CARMIL1: variants seen among roughly 807,000 people sequenced by gnomAD.
The protein encoded by CARMIL1 is capping protein regulator and myosin 1 linker 1, also known as F-actin-uncapping protein LRRC16A.
CARMIL1 carries 90 observed loss-of-function variants against 177.1 expected under a neutral mutation model. The ratio of observed to expected loss-of-function variants is 0.51; its 90% CI spans 0.43 to 0.61. The LOEUF is 0.61. Among genes scored for constraint, CARMIL1 ranks in the 20% least tolerant of loss-of-function variants. The pLI, the probability that CARMIL1 is intolerant of heterozygous loss-of-function variation, is 0.00. For synonymous variants in CARMIL1, 577 were observed against 606.2 expected (o/e 0.95, Z 0.71); for missense variants, 1,380 against 1,667.0 (o/e 0.83, Z 3.00).
chr6:25,289,988 A>G (rs1781814543), intron 2 of CARMIL1, among the ~76,000 whole-genome samples: 1 of 152,238 alleles, frequency 6.6e-6, no homozygotes, highest in African/African-American at 2.4e-5. Flanking sequence ...TTACTTTTAT[A>G]AGAAACTGGC....
At chr6:25,337,478 C>T (rs186108302) in intron 2 of CARMIL1, among the ~76,000 whole-genome samples, 219 of 152,254 alleles carry the variant, frequency 1.4e-3, no homozygotes, top group African/African-American at 5.1e-3. Flanking sequence ...AAATCTAGAC[C>T]AACTCTAAAA....
At chr6:25,594,334 T>G (rs1441088283) in intron 31 of CARMIL1, 81 bp from the exon 32 acceptor site, 5 of 863,858 alleles carry the variant, frequency 5.8e-6, no homozygotes, top group Non-Finnish European at 9.2e-6. Context: ...TAGCCCTTAA[T>G]CACAGTGTCT....
intron 2 of CARMIL1, among the ~76,000 whole-genome samples, chr6:25,324,286 G>A (rs1162149926): frequency 1.3e-5 from 2 of 151,996 alleles, no homozygotes; most frequent in African/African-American, 2.4e-5. Context: ...CCTGAATGGT[G>A]TCAGAGTTCA....
chr6:25,518,769 C>T (rs371052375), intron 22 of CARMIL1, among the ~76,000 whole-genome samples: 7 of 152,084 alleles, frequency 4.6e-5, no homozygotes, highest in South Asian at 2.1e-4. Context: ...TGATCACAGT[C>T]GATTATATAT....
intron 7 of CARMIL1, 27 bp from the exon 8 acceptor site, chr6:25,450,611 G>T: frequency 7.3e-7 from 1 of 1,365,944 alleles, no homozygotes; most frequent in South Asian, 1.2e-5. Context: ...ATGGACTGAT[G>T]ACATGACTGA....
chr6:25,607,889 A>G (rs1348392281), intron 35 of CARMIL1, among the ~76,000 whole-genome samples: 1 of 152,210 alleles, frequency 6.6e-6, no homozygotes, highest in Non-Finnish European at 1.5e-5. Context: ...TAAGCCTTGA[A>G]ACAAACCCCT....
chr6:25,395,928 G>T (rs1266164303), intron 2 of CARMIL1, among the ~76,000 whole-genome samples: 1 of 152,204 alleles, frequency 6.6e-6, no homozygotes, highest in Non-Finnish European at 1.5e-5. Context: ...GGGTCCTTGT[G>T]ACTTCCATAT....
chr6:25,368,040 G>A (rs954752707), intron 2 of CARMIL1, among the ~76,000 whole-genome samples: 2 of 152,130 alleles, frequency 1.3e-5, no homozygotes, highest in Non-Finnish European at 2.9e-5. Context: ...GATTACAGGC[G>A]TGAGCCACCG....
intron 31 of CARMIL1, among the ~76,000 whole-genome samples, chr6:25,583,511 G>A (rs976005788): frequency 2.0e-5 from 3 of 148,828 alleles, no homozygotes; most frequent in African/African-American, 7.3e-5. Context: ...TATAGTAGGG[G>A]TTCAACAATA....
chr6:25,499,159 C>A (rs916789873), intron 16 of CARMIL1, among the ~76,000 whole-genome samples: 2 of 152,188 alleles, frequency 1.3e-5, no homozygotes, highest in Non-Finnish European at 2.9e-5. Flanking sequence ...TACCTTCCCA[C>A]CTCACCCTTA....
chr6:25,380,622 A>G (rs1791433630), intron 2 of CARMIL1, among the ~76,000 whole-genome samples: 1 of 152,240 alleles, frequency 6.6e-6, no homozygotes, highest in Non-Finnish European at 1.5e-5. Flanking sequence ...ATTAGATTTC[A>G]TGTTTGATAT....
At chr6:25,288,408 C>T (rs1303464762) in intron 2 of CARMIL1, among the ~76,000 whole-genome samples, 1 of 151,032 alleles carries the variant, frequency 6.6e-6, no homozygotes, top group Non-Finnish European at 1.5e-5. Flanking sequence ...TATTAAGGCT[C>T]AGTGGTTAAG....
chr6:25,383,704 A>C (rs1791842526), intron 2 of CARMIL1: 1 of 152,220 alleles, frequency 6.6e-6, no homozygotes, highest in Non-Finnish European at 1.5e-5. Context: ...CATATTTTTT[A>C]AAACAAAATT....
chr6:25,490,634 G>GT (rs1330538808), intron 13 of CARMIL1, among the ~76,000 whole-genome samples: 2 of 151,964 alleles, frequency 1.3e-5, no homozygotes, highest in African/African-American at 4.8e-5. Context: ...GGAAGTGGAG[G>GT]TGGCGGTGAG....
At chr6:25,591,807 T>C (rs550012713) in intron 31 of CARMIL1, among the ~76,000 whole-genome samples, 4 of 152,270 alleles carry the variant, frequency 2.6e-5, no homozygotes, top group African/African-American at 7.2e-5. Flanking sequence ...TGTCTCTTTA[T>C]CTCTAAAATG....
chr6:25,515,866 C>T lies in CARMIL1; in HGVS notation c.1805+19C>T, dbSNP rs1376838675. 1.3e-6 allele frequency: 2 copies of T among 1,581,206 alleles called. No homozygotes were observed. Among genetic ancestry groups the T allele is most frequent in the South Asian group, 2.3e-5 (2 of 85,592 alleles). On this transcript the variant is annotated intron_variant, in intron 21 of 36. Coordinates refer to ENST00000329474, the MANE Select transcript of CARMIL1 (RefSeq NM_017640.6). The surrounding 1 kb of genome is among the most constrained non-coding windows in gnomAD (Gnocchi z 5.0). ...AGCTCAGGTAGGCAGATCCCACCCT[C>T]CCTGCTCATGAGGAAGGCTTGGAGC...
intron 2 of CARMIL1, among the ~76,000 whole-genome samples, chr6:25,320,789 C>A (rs1784610951): frequency 6.6e-6 from 1 of 152,174 alleles, no homozygotes. Flanking sequence ...CCTTAAAGAT[C>A]TAGACCAGGG....
intron 2 of CARMIL1, among the ~76,000 whole-genome samples, chr6:25,313,285 T>C (rs1371723401): frequency 6.6e-6 from 1 of 152,202 alleles, no homozygotes; most frequent in East Asian, 1.9e-4. Context: ...CTCTTCCTCC[T>C]TTCACTCTGT....
At chr6:25,609,243 G>T (rs1049732253) in intron 35 of CARMIL1, among the ~76,000 whole-genome samples, 8 of 151,946 alleles carry the variant, frequency 5.3e-5, no homozygotes, top group Non-Finnish European at 1.2e-4. Flanking sequence ...GAGGCGGGTG[G>T]ATCACGAGGT....
Sources: allele counts gnomAD v4.1 joint callset (sites outside exome capture counted in the v4.1 genomes callset), GRCh38; gene constraint gnomAD v4.1.1; non-coding constraint Gnocchi (gnomAD v3.1); transcripts MANE v1.5; gene names NCBI Gene and HGNC (gene_info 2026-07-23, HGNC 2026-07-21).